Variants in CCDC178 observed in about 807,000 individuals in gnomAD.
CCDC178 encodes the protein coiled-coil domain containing 178, also known as coiled-coil domain-containing protein 178.
A neutral mutation model predicts 117.4 loss-of-function variants in CCDC178; 126 were observed. That is an observed-to-expected ratio of 1.07 (90% CI 0.93 to 1.24). The LOEUF (loss-of-function observed/expected upper bound fraction) is 1.24. Among genes scored for constraint, CCDC178 ranks in the 50% most tolerant of loss-of-function variants. CCDC178 has a pLI of 0.00. For synonymous variants in CCDC178, 283 were observed against 313.4 expected (o/e 0.90, Z 1.02); for missense variants, 1,030 against 986.9 (o/e 1.04, Z -0.59).
intron 2 of CCDC178, among the ~76,000 whole-genome samples, chr18:33,420,799 G>T (rs2064014215): frequency 1.3e-5 from 2 of 151,568 alleles, no homozygotes; most frequent in Non-Finnish European, 2.9e-5. Context: ...GTTAAAAAAA[G>T]TAAAAAAAAT....
At chr18:33,223,600 C>T (rs1568068518) in intron 17 of CCDC178, among the ~76,000 whole-genome samples, 3 of 152,074 alleles carry the variant, frequency 2.0e-5, no homozygotes, top group Admixed American at 1.3e-4. Flanking sequence ...ATTATTAATT[C>T]TTATAATTTA....
At chr18:33,367,104 T>C (rs1394506794) in intron 6 of CCDC178, among the ~76,000 whole-genome samples, 1 of 152,046 alleles carries the variant, frequency 6.6e-6, no homozygotes, top group East Asian at 1.9e-4. Flanking sequence ...AAAAATTTTC[T>C]CCATTTGTAA....
intron 20 of CCDC178, among the ~76,000 whole-genome samples, chr18:33,126,858 A>G (rs959809111): frequency 6.6e-6 from 1 of 151,554 alleles, no homozygotes; most frequent in Non-Finnish European, 1.5e-5. Flanking sequence ...GGTTTTCTGC[A>G]TTTGGCCAGC....
At chr18:33,173,893 G>A (rs1370041389) in intron 20 of CCDC178, among the ~76,000 whole-genome samples, 2 of 152,112 alleles carry the variant, frequency 1.3e-5, no homozygotes, top group Non-Finnish European at 2.9e-5. Context: ...TCCTTGAAAA[G>A]CGCTTATCAT....
Position 33,193,801 on chromosome 18 carries a change from T to A in CCDC178, c.2238+18095A>T, listed in dbSNP as rs1463065341. Among the ~76,000 whole-genome samples the A allele has an allele frequency of 2.0e-5, 3 of 152,192 alleles. 1 individual carries two copies. The highest frequency in any genetic ancestry group is 4.1e-4 in the South Asian group (2 of 4,834). Reference sequence around the variant, plus strand: ...TTCATTTGCATACTGCATGTCTCAGTCTGTTTTGTGCTTCTGTGACATAAT... The same window carrying A: ...TTCATTTGCATACTGCATGTCTCAGACTGTTTTGTGCTTCTGTGACATAAT... On this transcript the variant is annotated intron_variant, in intron 20 of 22. Coordinates refer to ENST00000383096, the MANE Select transcript of CCDC178 (RefSeq NM_001105528.4).
At chr18:33,418,037 A>G (rs530122667) in intron 2 of CCDC178, among the ~76,000 whole-genome samples, 24 of 152,246 alleles carry the variant, frequency 1.6e-4, no homozygotes, top group African/African-American at 3.9e-4. Context: ...CAGAGACACA[A>G]TGAAAAAGGA....
intron 20 of CCDC178, among the ~76,000 whole-genome samples, chr18:33,115,920 T>C (rs1209376150): frequency 6.6e-6 from 1 of 152,130 alleles, no homozygotes; most frequent in East Asian, 1.9e-4. Flanking sequence ...TAGATTATTT[T>C]AATTCTTACT....
intron 20 of CCDC178, among the ~76,000 whole-genome samples, chr18:33,194,180 G>A (rs186949889): frequency 2.6e-5 from 4 of 151,800 alleles, no homozygotes; most frequent in Non-Finnish European, 5.9e-5. Flanking sequence ...AGGAGCTAAC[G>A]TTTATTGTGT....
At chr18:33,424,157 GTTTAC>G (rs1198431340) in intron 2 of CCDC178, among the ~76,000 whole-genome samples, 2 of 152,030 alleles carry the variant, frequency 1.3e-5, no homozygotes, top group African/African-American at 4.8e-5. Context: ...ATATTCACCT[GTTTAC>G]TTTTACTGGT....
chr18:33,031,659 T>C (rs1274984047), intron 21 of CCDC178, among the ~76,000 whole-genome samples: 2 of 152,128 alleles, frequency 1.3e-5, no homozygotes, highest in Admixed American at 1.3e-4. Context: ...CTGGCTCCAG[T>C]ACAGTTTTGT....
intron 21 of CCDC178, among the ~76,000 whole-genome samples, chr18:33,044,045 ATATGTGTGTGTGTGTGTGTGTG>A (rs1338206276): frequency 1.4e-5 from 2 of 147,800 alleles, no homozygotes; most frequent in African/African-American, 2.6e-5. Flanking sequence ...ACACACCAGC[ATATGTGTGTGTGTGTGTGTGTG>A]TATGTGTGTG....
chr18:33,284,206 A>G (rs1316272664), intron 12 of CCDC178, among the ~76,000 whole-genome samples: 1 of 152,206 alleles, frequency 6.6e-6, no homozygotes, highest in Non-Finnish European at 1.5e-5. Flanking sequence ...CTAAATGATG[A>G]GAACACATGG....
Position 32,957,468 on chromosome 18 carries a change from G to T in CCDC178, c.2523+17079C>A, listed in dbSNP as rs146156259. The stretch of plus-strand genomic sequence containing the variant: ...CAAAACAGTGGGGGTAACATCTATA[G>T]GCATTTGTATCAGGGAAAGTATAGG... On this transcript the variant is annotated intron_variant, in intron 22 of 22. Transcript: ENST00000383096. Among the ~76,000 whole-genome samples, 555 of 152,206 alleles carry T rather than the reference G, an allele frequency of 3.6e-3. 5 individuals carry two copies. The highest frequency in any genetic ancestry group is 0.012 in the African/African-American group (517 of 41,540).
At chr18:33,045,246 T>A (rs559891375) in intron 21 of CCDC178, among the ~76,000 whole-genome samples, 1 of 152,318 alleles carries the variant, frequency 6.6e-6, no homozygotes, top group Admixed American at 6.5e-5. Flanking sequence ...AATCATGTAT[T>A]TATAGAATTT....
chr18:33,222,863 A>G (rs2059253987), intron 18 of CCDC178, among the ~76,000 whole-genome samples: 1 of 151,872 alleles, frequency 6.6e-6, no homozygotes, highest in African/African-American at 2.4e-5. Context: ...TTTTCCTTGT[A>G]TTTATCCTGA....
At chr18:32,973,444 AAGTTTGT>A (rs1475270337) in intron 22 of CCDC178, among the ~76,000 whole-genome samples, 1 of 152,060 alleles carries the variant, frequency 6.6e-6, no homozygotes, top group Non-Finnish European at 1.5e-5. Context: ...GTTTGTACTC[AAGTTTGT>A]ACATAAATTT....
In CCDC178 at chr18:33,333,324, T is replaced by G. The variant is rs778899236; in HGVS notation, c.729A>C (p.Gln243His). ...WHLEDKANQLQHFEKQKTELE... is the reference protein window; with the variant it reads ...WHLEDKANQLHHFEKQKTELE... ...ACTCTGTCTTTTGTTTTTCAAAATG[T>G]TGTAGTTGATTAGCTTTATCTTCAA... The change falls in exon 10 of 23, where the codon CAA becomes CAC. Residue 243 changes from glutamine to histidine, a missense_variant. By Grantham distance (24) the Gln-to-His change is conservative. Transcript: ENST00000383096. 6.2e-7 allele frequency: 1 copy of G among 1,612,910 alleles called. No homozygotes were observed. The highest frequency in any genetic ancestry group is 8.5e-7 in the Non-Finnish European group (1 of 1,179,314).
intron 10 of CCDC178, 111 bp from the exon 11 acceptor site, chr18:33,323,744 C>A (rs112008504): frequency 7.6e-4 from 470 of 621,398 alleles, no homozygotes; most frequent in Non-Finnish European, 1.1e-3. Flanking sequence ...GAAACATTTT[C>A]TTCCCACATT....
chr18:33,397,099 T>C (rs2063648612), intron 4 of CCDC178, 50 bp downstream of exon 4: 3 of 1,182,774 alleles, frequency 2.5e-6, no homozygotes, highest in South Asian at 1.3e-5. Flanking sequence ...AAACAATTAA[T>C]ATGTGACAGA....
Sources: gnomAD v4.1 joint callset for allele counts (sites outside exome capture counted in the v4.1 genomes callset) on GRCh38, gnomAD v4.1.1 for gene constraint, MANE v1.5 for transcripts, NCBI Gene and HGNC (gene_info 2026-07-23, HGNC 2026-07-21) for gene names.